Variants in SELENOT observed in about 807,000 individuals in gnomAD.
SELENOT encodes thioredoxin reductase-like selenoprotein T.
A neutral mutation model predicts 24.3 loss-of-function variants in SELENOT; 9 were observed. The observed-to-expected ratio is 0.37, with a 90% CI of 0.22 to 0.65. SELENOT has a LOEUF of 0.65. Ranked by LOEUF, SELENOT falls within the 30% of genes least tolerant of loss-of-function variation. The pLI is 0.60. For missense variants in SELENOT, 166 were observed against 247.6 expected, an observed-to-expected ratio of 0.67 and a Z score of 2.21; for synonymous variants, 81 against 86.0, an observed-to-expected ratio of 0.94 and a Z score of 0.32.
intron 3 of SELENOT, among the ~76,000 whole-genome samples, chr3:150,624,385 G>A (rs1726399172): frequency 6.6e-6 from 1 of 152,128 alleles, no homozygotes; most frequent in African/African-American, 2.4e-5. Context: ...AAAGGTGAAT[G>A]AATGTACTTT....
chr3:150,623,326 TC>T (rs1487730004), intron 3 of SELENOT, among the ~76,000 whole-genome samples, 157 bp downstream of exon 3: 1 of 152,140 alleles, frequency 6.6e-6, no homozygotes, highest in African/African-American at 2.4e-5. Context: ...TCACTTAGCC[TC>T]CCTTCACCTT....
intron 3 of SELENOT, 128 bp downstream of exon 3, chr3:150,623,297 A>G (rs1726379372): frequency 1.1e-6 from 1 of 881,064 alleles, no homozygotes; most frequent in Admixed American, 4.0e-5. Flanking sequence ...AATTTATACC[A>G]GTTTTATCTC....
chr3:150,611,742 C>T, intron 1 of SELENOT: 1 of 1,496,176 alleles, frequency 6.7e-7, no homozygotes, highest in Non-Finnish European at 9.2e-7. Context: ...CCCGGCCTGG[C>T]CGCCCCCAGG....
At chr3:150,606,422 A>G (rs1189158513) in intron 1 of SELENOT, among the ~76,000 whole-genome samples, 2 of 152,158 alleles carry the variant, frequency 1.3e-5, no homozygotes, top group African/African-American at 4.8e-5. Flanking sequence ...CAAGAAGTCT[A>G]CCAGACTGGC....
chr3:150,603,609 G>T, intron 1 of SELENOT, 110 bp downstream of exon 1: 1 of 1,271,560 alleles, frequency 7.9e-7, no homozygotes, highest in Non-Finnish European at 1.1e-6. Flanking sequence ...CGCTGGCCTC[G>T]TAGAACTGTG....
At chr3:150,612,289 CG>C (rs1448081385) in intron 1 of SELENOT, among the ~76,000 whole-genome samples, 2 of 152,076 alleles carry the variant, frequency 1.3e-5, no homozygotes, top group Non-Finnish European at 2.9e-5. Flanking sequence ...GACAGGGTTT[CG>C]GCATGTTTAT....
chr3:150,603,409 G>A lies in SELENOT; in HGVS notation c.47G>A (p.Arg16Gln). 1 of 1,613,238 alleles carries A rather than the reference G, an allele frequency of 6.2e-7. No homozygotes were observed. Among genetic ancestry groups the A allele is most frequent in the Non-Finnish European group, 8.5e-7 (1 of 1,179,368 alleles). The change falls in exon 1 of 6, where the codon CGG becomes CAG. Residue 16 changes from arginine (R) to glutamine (Q), a missense_variant. By Grantham distance (43) the Arg-to-Gln change is conservative. Transcript: ENST00000471696. ...CTAGTGGCGGCGTCTGCGATGGTCC[G>A]GAGCGAGGCCTCGGCCAATCTGGGC... is the stretch of plus-strand genomic sequence containing the variant. ...LLLVAASAMV[R>Q]SEASANLGGV...
intron 3 of SELENOT, among the ~76,000 whole-genome samples, chr3:150,623,371 T>A (rs552243284): frequency 6.6e-6 from 1 of 152,140 alleles, no homozygotes; most frequent in Non-Finnish European, 1.5e-5. Flanking sequence ...AATGATTAGG[T>A]CTTAATCTTT....
At chr3:150,626,050 T>C (rs1261117003) in intron 4 of SELENOT, among the ~76,000 whole-genome samples, 7 of 152,126 alleles carry the variant, frequency 4.6e-5, no homozygotes. Context: ...TTTGTATTTT[T>C]AGTAGAGACA....
At chr3:150,613,723 G>A (rs933148087) in intron 1 of SELENOT, among the ~76,000 whole-genome samples, 3 of 137,356 alleles carry the variant, frequency 2.2e-5, no homozygotes, top group African/African-American at 8.3e-5. Flanking sequence ...TGATTGAGAG[G>A]TTCAGGTTAA....
chr3:150,603,803 G>C, intron 1 of SELENOT: 1 of 231,524 alleles, frequency 4.3e-6, no homozygotes, highest in Non-Finnish European at 8.4e-6. Context: ...ACGGAGGACT[G>C]GTTGGCGGCG....
intron 3 of SELENOT, among the ~76,000 whole-genome samples, chr3:150,624,217 C>T (rs770890130): frequency 2.6e-5 from 4 of 152,136 alleles, no homozygotes; most frequent in Non-Finnish European, 5.9e-5. Flanking sequence ...TCTTTCTCAT[C>T]TGCTGTGAAC....
Position 150,603,348 on chromosome 3 carries a change from G to T in SELENOT, c.-15G>T. 4 of 1,607,060 alleles carry T rather than the reference G, an allele frequency of 2.5e-6. No homozygotes were observed. Among genetic ancestry groups the T allele is most frequent in the Non-Finnish European group, 3.4e-6 (4 of 1,175,014 alleles). On this transcript the variant is annotated 5_prime_UTR_variant, in exon 1 of 6. Transcript: ENST00000471696. ...AGTCTGTCTGAGGGCGGCCGAAGTGGCTGGCTCATTTAAGATGAGGCTTCT... is the reference window on the plus strand; with the variant it reads ...AGTCTGTCTGAGGGCGGCCGAAGTGTCTGGCTCATTTAAGATGAGGCTTCT...
chr3:150,604,051 G>T (rs1333833630), intron 1 of SELENOT, among the ~76,000 whole-genome samples: 3 of 152,224 alleles, frequency 2.0e-5, no homozygotes, highest in African/African-American at 7.2e-5. Flanking sequence ...TGCGAATGGG[G>T]CGTCTGACAG....
At chr3:150,621,761 G>A (rs1726350041) in intron 1 of SELENOT, among the ~76,000 whole-genome samples, 1 of 150,928 alleles carries the variant, frequency 6.6e-6, no homozygotes, top group South Asian at 2.1e-4. Flanking sequence ...CGTTTTCCTT[G>A]GCAAAGTAGA....
At chr3:150,606,707 C>T (rs62284028) in intron 1 of SELENOT, among the ~76,000 whole-genome samples, 2,458 of 152,112 alleles carry the variant, frequency 0.016, 26 homozygotes, top group Non-Finnish European at 0.028. Context: ...ATTCTCATGC[C>T]TCAGCCTCCT....
intron 1 of SELENOT, among the ~76,000 whole-genome samples, chr3:150,604,402 A>G (rs1725910997): frequency 6.6e-6 from 1 of 152,238 alleles, no homozygotes; most frequent in Non-Finnish European, 1.5e-5. Context: ...TTGTAAAATT[A>G]TAGAAATGAG....
In SELENOT at chr3:150,629,578, TTAAAAA is replaced by T. The variant is rs1235616571; in HGVS notation, c.*1952_*1957del. ...TTGGATGTTCCTGTGGACCTGACAGTTAAAAATATAAAGAACCTAGGATTCAATTCC... is the reference window on the plus strand; with the variant it reads ...TTGGATGTTCCTGTGGACCTGACAGTTATAAAGAACCTAGGATTCAATTCC... On this transcript the variant is annotated 3_prime_UTR_variant, in exon 6 of 6. Coordinates refer to ENST00000471696, the MANE Select transcript of SELENOT (RefSeq NM_016275.5). The T allele has an allele frequency of 1.3e-5, 2 of 152,606 alleles. No individual in the cohort carries two copies. The highest frequency in any genetic ancestry group is 4.8e-5 in the African/African-American group (2 of 41,428). 9.5% of individuals were successfully genotyped at this position (152,606 alleles called of 1,614,324 possible).
Position 150,627,022 on chromosome 3 carries a change from G to A in SELENOT, c.476G>A (p.Trp159Ter). 7.4e-6 allele frequency: 12 copies of A among 1,612,264 alleles called. No homozygotes were observed. The highest frequency in any genetic ancestry group is 9.3e-6 in the Non-Finnish European group (11 of 1,179,570). The change falls in exon 5 of 6, where the codon TGG becomes TAG. Residue 159 changes from tryptophan to a stop codon, truncating the protein, a stop_gained. Transcript: ENST00000471696. LOFTEE classifies it high-confidence loss of function. Reference protein sequence around the residue: ...FEITLNDVPVWSKLESGHLPS... With the variant: ...FEITLNDVPV ...TTTATTTTTATAGATGTACCTGTGT[G>A]GTCTAAGCTGGAATCTGGTCACCTT...
Sources: allele counts gnomAD v4.1 joint callset (sites outside exome capture counted in the v4.1 genomes callset), GRCh38; gene constraint gnomAD v4.1.1; transcripts MANE v1.5; gene names NCBI Gene and HGNC (gene_info 2026-07-23, HGNC 2026-07-21).